ASIC2: variants seen among roughly 807,000 people sequenced by gnomAD.
The protein encoded by ASIC2 is acid sensing ion channel subunit 2.
A neutral mutation model predicts 57.3 loss-of-function variants in ASIC2; 25 were observed. The observed-to-expected ratio is 0.44, with a 90% CI of 0.32 to 0.61. The LOEUF (loss-of-function observed/expected upper bound fraction) is 0.61. Among genes scored for constraint, ASIC2 ranks in the 20% least tolerant of loss-of-function variants. ASIC2 has a pLI of 0.06. For synonymous variants in ASIC2, 319 were observed against 307.5 expected (o/e 1.04, Z -0.39); for missense variants, 641 against 738.1 (o/e 0.87, Z 1.52).
chr17:33,189,891 C>T (rs7220470), intron 1 of ASIC2, among the ~76,000 whole-genome samples: 39,882 of 151,932 alleles, frequency 0.26, 7,531 homozygotes, highest in African/African-American at 0.52. Flanking sequence ...AACACATAGG[C>T]AGAAAATCAG....
intron 1 of ASIC2, among the ~76,000 whole-genome samples, chr17:33,552,673 C>T (rs902112527): frequency 6.6e-6 from 1 of 152,198 alleles, no homozygotes; most frequent in Admixed American, 6.5e-5. Context: ...TCTTCTTGTT[C>T]ATCATAGATA....
At chr17:33,703,061 T>A (rs986158338) in intron 1 of ASIC2, among the ~76,000 whole-genome samples, 2 of 152,064 alleles carry the variant, frequency 1.3e-5, no homozygotes, top group African/African-American at 4.8e-5. Context: ...AGAGGGGATA[T>A]GAAGAGTACA....
intron 1 of ASIC2, among the ~76,000 whole-genome samples, chr17:33,988,435 G>A (rs1457771960): frequency 6.6e-6 from 1 of 152,198 alleles, no homozygotes; most frequent in East Asian, 1.9e-4. Flanking sequence ...ATCCATGTAA[G>A]ATGTGACTTG....
chr17:33,877,500 C>T (rs1184637504), intron 1 of ASIC2, among the ~76,000 whole-genome samples: 1 of 152,228 alleles, frequency 6.6e-6, no homozygotes, highest in Non-Finnish European at 1.5e-5. Flanking sequence ...GGGTCCTACG[C>T]CCATGCAGCC....
At chr17:33,650,207 A>G (rs1029251660) in intron 1 of ASIC2, among the ~76,000 whole-genome samples, 7 of 152,262 alleles carry the variant, frequency 4.6e-5, no homozygotes, top group Non-Finnish European at 8.8e-5. Flanking sequence ...GAGAATATAC[A>G]GATGGCAAAT....
chr17:34,148,063 G>C (rs369402131), intron 1 of ASIC2, among the ~76,000 whole-genome samples: 5 of 152,206 alleles, frequency 3.3e-5, no homozygotes, highest in African/African-American at 1.2e-4. Flanking sequence ...TCTATAGAGA[G>C]GAAAAGAGAA....
At chr17:33,164,082 C>T (rs182662982) in intron 1 of ASIC2, among the ~76,000 whole-genome samples, 413 of 152,324 alleles carry the variant, frequency 2.7e-3, no homozygotes, top group Non-Finnish European at 5.0e-3. Flanking sequence ...CATGTCCTGC[C>T]ATAAAGCCCA....
intron 1 of ASIC2, among the ~76,000 whole-genome samples, chr17:33,586,120 G>T (rs1904621610): frequency 1.3e-5 from 2 of 152,164 alleles, no homozygotes; most frequent in South Asian, 4.1e-4. Flanking sequence ...GTGTGAGCTG[G>T]CAAAGAAGAG....
At chr17:33,264,802 T>A (rs1597657091) in intron 1 of ASIC2, among the ~76,000 whole-genome samples, 2 of 152,376 alleles carry the variant, frequency 1.3e-5, no homozygotes, top group South Asian at 4.1e-4. Flanking sequence ...TGGTTCATCC[T>A]GGCTTTAGGG....
chr17:33,241,894 C>T (rs1367986176), intron 1 of ASIC2, among the ~76,000 whole-genome samples: 1 of 152,170 alleles, frequency 6.6e-6, no homozygotes, highest in East Asian at 1.9e-4. Flanking sequence ...TGCCAGCAGG[C>T]AATCGTGGAG....
intron 1 of ASIC2, among the ~76,000 whole-genome samples, chr17:33,738,535 C>T (rs1344062669): frequency 6.6e-6 from 1 of 152,096 alleles, no homozygotes; most frequent in African/African-American, 2.4e-5. Flanking sequence ...AATGAGTCTC[C>T]CTGAGCCAAT....
At chr17:34,111,279 TATTATATA>T (rs1211528777) in intron 1 of ASIC2, among the ~76,000 whole-genome samples, 1 of 148,136 alleles carries the variant, frequency 6.8e-6, no homozygotes, top group Non-Finnish European at 1.5e-5. Context: ...ATATACAACA[TATTATATA>T]ATTATATAAT....
intron 1 of ASIC2, among the ~76,000 whole-genome samples, chr17:33,843,835 C>T (rs1274352460): frequency 3.3e-5 from 5 of 152,158 alleles, no homozygotes; most frequent in Admixed American, 2.0e-4. Context: ...ACAATGAATG[C>T]CAATGCTATT....
intron 1 of ASIC2, among the ~76,000 whole-genome samples, chr17:33,664,584 C>T (rs1018427273): frequency 2.0e-5 from 3 of 152,144 alleles, no homozygotes; most frequent in Non-Finnish European, 4.4e-5. Context: ...ACTAGTGCCT[C>T]CACTTGGCCC....
intron 1 of ASIC2, among the ~76,000 whole-genome samples, chr17:33,908,079 T>C (rs1915388346): frequency 6.6e-6 from 1 of 152,218 alleles, no homozygotes; most frequent in African/African-American, 2.4e-5. Context: ...ATTATCTTAT[T>C]TCCTCCTTAC....
intron 1 of ASIC2, among the ~76,000 whole-genome samples, chr17:33,994,599 T>C (rs1248033355): frequency 6.6e-6 from 1 of 152,178 alleles, no homozygotes; most frequent in Admixed American, 6.5e-5. Context: ...TCTCGCCTAA[T>C]AACAAGTGAC....
chr17:34,145,379 C>T (rs1912388787), intron 1 of ASIC2, among the ~76,000 whole-genome samples: 1 of 152,168 alleles, frequency 6.6e-6, no homozygotes, highest in East Asian at 1.9e-4. Flanking sequence ...TCACCTCTGA[C>T]CCCAACTATC....
At chr17:33,410,551 G>A (rs138983446) in intron 1 of ASIC2, among the ~76,000 whole-genome samples, 2,000 of 152,290 alleles carry the variant, frequency 0.013, 18 homozygotes, top group African/African-American at 0.029. Flanking sequence ...TCAGCCCCAT[G>A]CCTGTGGCTC....
intron 7 of ASIC2, among the ~76,000 whole-genome samples, chr17:33,020,510 G>A (rs1261846559): frequency 3.9e-5 from 6 of 152,146 alleles, no homozygotes; most frequent in Non-Finnish European, 8.8e-5. Context: ...GCTGAGAGAA[G>A]GGCTCTAGAG....
Sources: allele counts gnomAD v4.1 joint callset (sites outside exome capture counted in the v4.1 genomes callset), GRCh38; gene constraint gnomAD v4.1.1; transcripts MANE v1.5; gene names NCBI Gene and HGNC (gene_info 2026-07-23, HGNC 2026-07-21).